FAAP24: variants seen among roughly 807,000 people sequenced by gnomAD.
The protein encoded by FAAP24 is Fanconi anemia core complex-associated protein 24.
FAAP24 carries 16 observed loss-of-function variants against 14.3 expected under a neutral mutation model. That is an observed-to-expected ratio of 1.12 (90% CI 0.76 to 1.69). The LOEUF (loss-of-function observed/expected upper bound fraction) is 1.69, where lower values mean the gene tolerates loss of function less well. Ranked by LOEUF, FAAP24 falls within the 40% of genes most tolerant of loss-of-function variation. The pLI, the probability that FAAP24 is intolerant of heterozygous loss-of-function variation, is 0.00. For missense variants in FAAP24, 234 were observed against 262.7 expected, an observed-to-expected ratio of 0.89 and a Z score of 0.75; for synonymous variants, 111 against 106.2, an observed-to-expected ratio of 1.04 and a Z score of -0.28.
chr19:32,976,679 G>C lies in FAAP24; in HGVS notation c.645G>C (p.Arg215Ser). 2.5e-6 allele frequency: 4 copies of C among 1,613,748 alleles called. No individual in the cohort carries two copies. The highest frequency in any genetic ancestry group is 1.7e-4 in the Middle Eastern group (1 of 6,004). The change falls in exon 5 of 5, where the codon AGG becomes AGC. Residue 215 changes from arginine to serine, a missense_variant. By Grantham distance (110) the Arg-to-Ser change is moderately radical (BLOSUM62 -1). Transcript: ENST00000588258. ...TCCATGCCTTCTTCACGCAGCCCAG[G>C]TGAGGGCTGGCCTCAGGGCCACGGC... The part of the protein sequence containing the change: ...QQIHAFFTQP[R>S]
rs747134287 is a variant in FAAP24, at chr19:32,976,654, TC to T, written c.622del (p.His208MetfsTer20). ...QVVGQAVAQQ[I>X]HAFFTQPR ...GTCGGACAAGCAGTGGCACAGCAGA[TC>T]CATGCCTTCTTCACGCAGCCCAGGT... On this transcript the variant is annotated frameshift_variant, in exon 5 of 5. Transcript: ENST00000588258. LOFTEE classifies it high-confidence loss of function. The T allele has an allele frequency of 5.0e-6, 8 of 1,614,032 alleles. No homozygotes were observed. The African/African-American group carries it at 9.3e-5, about 19-fold the overall frequency.
chr19:32,973,855 AAAAAACAAAAAAC>A (rs1337766192), intron 3 of FAAP24, among the ~76,000 whole-genome samples, 192 bp from the exon 4 acceptor site: 3 of 152,210 alleles, frequency 2.0e-5, no homozygotes, highest in Non-Finnish European at 4.4e-5. Flanking sequence ...ATTCCAACTC[AAAAAACAAAAAAC>A]AAAAACAAAA....
intron 3 of FAAP24, 28 bp downstream of exon 3, chr19:32,973,590 C>T: frequency 6.2e-7 from 1 of 1,612,754 alleles, no homozygotes; most frequent in Non-Finnish European, 8.5e-7. Context: ...TGCTGTGGCT[C>T]ACGCCAGTAA....
chr19:32,975,526 C>G (rs1285377364), intron 4 of FAAP24, among the ~76,000 whole-genome samples: 1 of 148,416 alleles, frequency 6.7e-6, no homozygotes, highest in Non-Finnish European at 1.5e-5. Context: ...ATGATGCAGT[C>G]TCGGCTCACT....
intron 4 of FAAP24, 63 bp downstream of exon 4, chr19:32,974,275 A>G: frequency 6.6e-7 from 1 of 1,518,116 alleles, no homozygotes. Context: ...GCTGCTCTCC[A>G]GAAGCAACCA....
Position 32,976,899 on chromosome 19 carries a change from G to A in FAAP24, c.*217G>A. 8.3e-6 allele frequency: 5 copies of A among 599,428 alleles called. No homozygotes were observed. The highest frequency in any genetic ancestry group is 1.4e-5 in the Non-Finnish European group (5 of 348,222). 37.1% of individuals were successfully genotyped at this position (599,428 alleles called of 1,614,324 possible). Reference sequence around the variant, plus strand: ...CCCTAAAAATAGGAACAATTAGCCAGGCATGGTGACAGGTGCCTGTAATCC... The same window carrying A: ...CCCTAAAAATAGGAACAATTAGCCAAGCATGGTGACAGGTGCCTGTAATCC... On this transcript the variant is annotated 3_prime_UTR_variant, in exon 5 of 5. Transcript: ENST00000588258.
At position 32,977,233 on chromosome 19, in the gene FAAP24, G is replaced by A. The variant is rs934942511; in HGVS notation, c.*551G>A. 7.5e-6 allele frequency: 3 copies of A among 399,346 alleles called. No individual in the cohort carries two copies. The East Asian group carries it at 1.1e-4, about 14-fold the overall frequency. 24.7% of individuals were successfully genotyped at this position (399,346 alleles called of 1,614,324 possible). ...GACGAAAAGGGCTGGTGGGATCTTCGCAAGAGAGTCAGGGACTCACACTCA... is the reference window on the plus strand; with the variant it reads ...GACGAAAAGGGCTGGTGGGATCTTCACAAGAGAGTCAGGGACTCACACTCA... On this transcript the variant is annotated 3_prime_UTR_variant, in exon 5 of 5. Transcript: ENST00000588258.
intron 3 of FAAP24, 141 bp from the exon 4 acceptor site, chr19:32,973,919 T>C: frequency 1.2e-6 from 1 of 801,846 alleles, no homozygotes. Flanking sequence ...CGAACATTGA[T>C]TTGTCTCACC....
chr19:32,973,706 T>A, intron 3 of FAAP24, 144 bp downstream of exon 3: 1 of 874,774 alleles, frequency 1.1e-6, no homozygotes, highest in South Asian at 1.7e-5. Context: ...AATACAAAAA[T>A]TAGCTGAGTA....
chr19:32,976,512 C>T lies in FAAP24; in HGVS notation c.478C>T (p.Leu160Phe), dbSNP rs1971519339. 1 of 1,614,240 alleles carries T rather than the reference C, an allele frequency of 6.2e-7. No homozygotes were observed. Among genetic ancestry groups the T allele is most frequent in the East Asian group, 2.2e-5 (1 of 44,878 alleles). The stretch of plus-strand genomic sequence containing the variant: ...CCTGCTGCTGTCTGAGCCTTCGCTC[C>T]TTCGAACCGTGCAGCAGATCCCAGG... The part of the protein sequence containing the change: ...RALLLSEPSL[L>F]RTVQQIPGVG... The change falls in exon 5 of 5, where the codon CTT (leucine) becomes TTT (phenylalanine). Residue 160 changes from leucine to phenylalanine, a missense_variant. By Grantham distance (22) the Leu-to-Phe change is conservative. Transcript: ENST00000588258.
intron 4 of FAAP24, 71 bp downstream of exon 4, chr19:32,974,283 C>T (rs893825925): frequency 1.3e-6 from 2 of 1,489,706 alleles, no homozygotes; most frequent in African/African-American, 1.4e-5. Context: ...CCAGAAGCAA[C>T]CATCAATCCA....
rs1393737093 is a variant in FAAP24, at chr19:32,973,572, A to G, written c.243+10A>G. On this transcript the variant is annotated intron_variant, in intron 3 of 4. Transcript: ENST00000588258. ...TGTTCGGGTTAGAAATGTAAGTATTAGGCTGGGTGCTGTGGCTCACGCCAG... is the reference window on the plus strand; with the variant it reads ...TGTTCGGGTTAGAAATGTAAGTATTGGGCTGGGTGCTGTGGCTCACGCCAG... 1.9e-6 allele frequency: 3 copies of G among 1,613,940 alleles called. No homozygotes were observed. The highest frequency in any genetic ancestry group is 3.3e-5 in the Admixed American group (2 of 59,988).
At position 32,973,411 on chromosome 19, in the gene FAAP24, T is replaced by C. The variant is rs1379161650; in HGVS notation, c.107-15T>C. 6.2e-7 allele frequency: 1 copy of C among 1,612,382 alleles called. No individual in the cohort carries two copies. Among genetic ancestry groups the C allele is most frequent in the Admixed American group, 1.7e-5 (1 of 59,630 alleles). ...CCAAAGCTTATGGAACTCATTTTCT[T>C]CTCTGTATTTTAAGGGAAAATTAAG... is the stretch of plus-strand genomic sequence containing the variant. On this transcript the variant is annotated splice_polypyrimidine_tract_variant and intron_variant, in intron 2 of 4. Coordinates refer to ENST00000588258, the MANE Select transcript of FAAP24 (RefSeq NM_152266.5).
At position 32,977,496 on chromosome 19, in the gene FAAP24, GTTCC is replaced by G. The variant is rs1181128128; in HGVS notation, c.*820_*823del. 1 of 398,518 alleles carries G rather than the reference GTTCC, an allele frequency of 2.5e-6. No homozygotes were observed. 24.7% of individuals were successfully genotyped at this position (398,518 alleles called of 1,614,324 possible). A position where few individuals can be genotyped will look rare whatever the true frequency, so the allele number is the denominator to read the frequency against. ...AATGTAAATAAATAACTGCGCAACA[GTTCC>G]TTCCTCCTTTCCTTTGTTCCTCCCT... On this transcript the variant is annotated 3_prime_UTR_variant, in exon 5 of 5. Coordinates refer to ENST00000588258, the MANE Select transcript of FAAP24 (RefSeq NM_152266.5).
At position 32,976,496 on chromosome 19, in the gene FAAP24, G is replaced by A; in HGVS notation, c.462G>A (p.Leu154=). 6.2e-7 allele frequency: 1 copy of A among 1,614,238 alleles called. No homozygotes were observed. The highest frequency in any genetic ancestry group is 1.3e-5 in the African/African-American group (1 of 75,070). ...PLLGKKRALL[L]SEPSLLRTVQ... ...TCGGGAAGAAACGGGCCCTGCTGCT[G>A]TCTGAGCCTTCGCTCCTTCGAACCG... The change falls in exon 5 of 5, where the codon CTG becomes CTA. Residue 154 remains leucine, a synonymous_variant. Transcript: ENST00000588258.
chr19:32,976,540 T>G lies in FAAP24; in HGVS notation c.506T>G (p.Val169Gly), dbSNP rs1405081229. Residue 169 changes from valine to glycine, a missense_variant, in exon 5 of 5, where the codon GTT becomes GGT. Coordinates refer to ENST00000588258, the MANE Select transcript of FAAP24 (RefSeq NM_152266.5). The stretch of plus-strand genomic sequence containing the variant: ...CGAACCGTGCAGCAGATCCCAGGAG[T>G]TGGAAAAGTTAAAGCTCCCCTTCTC... ...LLRTVQQIPG[V>G]GKVKAPLLLQ... is the part of the protein sequence containing the mutation. 6.2e-6 allele frequency: 10 copies of G among 1,613,366 alleles called. No individual in the cohort carries two copies. Among genetic ancestry groups the G allele is most frequent in the Admixed American group, 1.7e-5 (1 of 59,910 alleles).
Position 32,977,180 on chromosome 19 carries a change from G to A in FAAP24, c.*498G>A, listed in dbSNP as rs993803101. ...GTTCAGCTTGTGAAGTTAGTGGGCCGCAGAGGGCACTGCCTTCATTCTGCT... is the reference window on the plus strand; with the variant it reads ...GTTCAGCTTGTGAAGTTAGTGGGCCACAGAGGGCACTGCCTTCATTCTGCT... On this transcript the variant is annotated 3_prime_UTR_variant, in exon 5 of 5. Coordinates refer to ENST00000588258, the MANE Select transcript of FAAP24 (RefSeq NM_152266.5). The A allele has an allele frequency of 7.5e-6, 3 of 400,732 alleles. No homozygotes were observed. The highest frequency in any genetic ancestry group is 2.1e-5 in the African/African-American group (1 of 48,636). The allele number at this position is 400,732 out of a possible 1,614,324, so 24.8% of individuals were successfully genotyped here.
Position 32,976,911 on chromosome 19 carries a change from G to GTGT in FAAP24, c.*229_*230insTGT. 1.7e-6 allele frequency: 1 copy of GTGT among 579,622 alleles called. No homozygotes were observed. The highest frequency in any genetic ancestry group is 2.9e-5 in the East Asian group (1 of 34,670). The allele number at this position is 579,622 out of a possible 1,614,324, so 35.9% of individuals were successfully genotyped here. A position where few individuals can be genotyped will look rare whatever the true frequency, so the allele number is the denominator to read the frequency against. On this transcript the variant is annotated 3_prime_UTR_variant, in exon 5 of 5. Coordinates refer to ENST00000588258, the MANE Select transcript of FAAP24 (RefSeq NM_152266.5). The stretch of plus-strand genomic sequence containing the variant: ...GAACAATTAGCCAGGCATGGTGACA[G>GTGT]GTGCCTGTAATCCCAGCTACTTGGG...
chr19:32,972,719 T>TC (rs1555707599), intron 1 of FAAP24, among the ~76,000 whole-genome samples: 134 of 142,300 alleles, frequency 9.4e-4, no homozygotes, highest in African/African-American at 3.4e-3. Context: ...TCTTTTCTTT[T>TC]TTTTTTTTTT....
Sources: gnomAD v4.1 joint callset for allele counts (sites outside exome capture counted in the v4.1 genomes callset) on GRCh38, gnomAD v4.1.1 for gene constraint, MANE v1.5 for transcripts, NCBI Gene and HGNC (gene_info 2026-07-23, HGNC 2026-07-21) for gene names.